Variants in URB2 observed in about 807,000 individuals in gnomAD.
URB2 encodes the protein unhealthy ribosome biogenesis protein 2 homolog.
A neutral mutation model predicts 120.9 loss-of-function variants in URB2; 86 were observed. That is an observed-to-expected ratio of 0.71 (90% CI 0.60 to 0.85). URB2 has a LOEUF of 0.85. Ranked by LOEUF, URB2 falls within the 40% of genes least tolerant of loss-of-function variation. The pLI, the probability that URB2 is intolerant of heterozygous loss-of-function variation, is 0.00. For synonymous variants in URB2, 755 were observed against 758.4 expected, an observed-to-expected ratio of 1.00 and a Z score of 0.07; for missense variants, 1,765 against 1,836.5, an observed-to-expected ratio of 0.96 and a Z score of 0.71.
At chr1:229,657,260 A>G (rs1666427181) in intron 9 of URB2, among the ~76,000 whole-genome samples, 1 of 152,206 alleles carries the variant, frequency 6.6e-6, no homozygotes, top group African/African-American at 2.4e-5. Context: ...TTTATAAATA[A>G]GTTATCTGAA....
chr1:229,659,810 C>T lies in URB2; in HGVS notation c.*513C>T, dbSNP rs1323049770. ...TGAAGAAGTCAGGGAAAGTTAGAGTCTGTGGCCTGAGGTGTCTGCTCTGGG... is the reference window on the plus strand; with the variant it reads ...TGAAGAAGTCAGGGAAAGTTAGAGTTTGTGGCCTGAGGTGTCTGCTCTGGG... On this transcript the variant is annotated 3_prime_UTR_variant, in exon 10 of 10. Coordinates refer to ENST00000258243, the MANE Select transcript of URB2 (RefSeq NM_014777.4). The T allele has an allele frequency of 6.5e-6, 1 of 153,592 alleles. No homozygotes were observed. The highest frequency in any genetic ancestry group is 1.5e-5 in the Non-Finnish European group (1 of 68,948). The allele number at this position is 153,592 out of a possible 1,614,324, so 9.5% of individuals were successfully genotyped here. A position where few individuals can be genotyped will look rare whatever the true frequency, so the allele number is the denominator to read the frequency against.
chr1:229,657,186 C>A (rs554273940), intron 9 of URB2, among the ~76,000 whole-genome samples: 1 of 152,302 alleles, frequency 6.6e-6, no homozygotes, highest in South Asian at 2.1e-4. Context: ...TTAAAAGCTA[C>A]TTAGTGATGT....
At chr1:229,650,494 G>A (rs1373010741) in intron 7 of URB2, among the ~76,000 whole-genome samples, 2 of 151,978 alleles carry the variant, frequency 1.3e-5, no homozygotes, top group Non-Finnish European at 2.9e-5. Flanking sequence ...GCAGTGGTGC[G>A]ATCTTGGCTC....
chr1:229,645,058 G>C (rs1666106740), intron 5 of URB2, among the ~76,000 whole-genome samples: 2 of 152,222 alleles, frequency 1.3e-5, no homozygotes, highest in South Asian at 4.1e-4. Context: ...GGCCAAGGTG[G>C]GTGGATTATA....
chr1:229,648,345 A>G (rs946392727), intron 7 of URB2, among the ~76,000 whole-genome samples: 3 of 152,202 alleles, frequency 2.0e-5, no homozygotes, highest in African/African-American at 4.8e-5. Context: ...AGGCATACAC[A>G]ATCTATACTA....
At position 229,654,338 on chromosome 1, in the gene URB2, G is replaced by A. The variant is rs1418327808; in HGVS notation, c.4327G>A (p.Ala1443Thr). Residue 1443 changes from alanine (A) to threonine (T), a missense_variant, in exon 9 of 10, where the codon GCT becomes ACT. Physicochemically the swap from Ala to Thr is moderately conservative, Grantham distance 58. Transcript: ENST00000258243. Reference protein sequence around the residue: ...SHIAARAEEFAVFSPFMVAQY... With the variant: ...SHIAARAEEFTVFSPFMVAQY... ...CATCGCCGCACGAGCTGAGGAGTTT[G>A]CTGTGTTTTCCCCATTTATGGTGGC... The A allele has an allele frequency of 6.2e-7, 1 of 1,614,052 alleles. No homozygotes were observed.
chr1:229,647,560 C>A lies in URB2; in HGVS notation c.3957C>A (p.Val1319=). Residue 1319 remains valine, a synonymous_variant, in exon 7 of 10, where the codon GTC becomes GTA. Transcript: ENST00000258243. ...AGCAGCCTGTGTCCCTCACAGTGGT[C>A]GGGCCTGTCTTAGATGTCCTGGCTG... The part of the protein sequence containing the change: ...SQEQPVSLTV[V]GPVLDVLAAL... 1 of 1,614,194 alleles carries A rather than the reference C, an allele frequency of 6.2e-7. No homozygotes were observed. The highest frequency in any genetic ancestry group is 1.1e-5 in the South Asian group (1 of 91,068).
Position 229,632,440 on chromosome 1 carries a change from G to C in URB2, c.298G>C (p.Val100Leu). 1.3e-6 allele frequency: 2 copies of C among 1,552,234 alleles called. No homozygotes were observed. Among genetic ancestry groups the C allele is most frequent in the Non-Finnish European group, 1.7e-6 (2 of 1,159,176 alleles). The change falls in exon 3 of 10, where the codon GTC (valine) becomes CTC (leucine). Residue 100 changes from valine (V) to leucine (L), a missense_variant. Physicochemically the swap from Val to Leu is conservative, Grantham distance 32. Coordinates refer to ENST00000258243, the MANE Select transcript of URB2 (RefSeq NM_014777.4). ...GACCATTAATCTTCAGATTTCCCTA[G>C]TCAAGGTAATTCACTTTTCTGTTCT... ...GKTINLQISL[V>L]KIINERVAEF... is the part of the protein sequence containing the mutation.
At chr1:229,634,802 T>G in intron 3 of URB2, 115 bp from the exon 4 acceptor site, 1 of 990,558 alleles carries the variant, frequency 1.0e-6, no homozygotes. Context: ...GGGCATTTCT[T>G]TCTTACCAAG....
Position 229,647,601 on chromosome 1 carries a change from G to T in URB2, c.3998G>T (p.Gly1333Val), listed in dbSNP as rs774472016. 2.5e-6 allele frequency: 4 copies of T among 1,614,070 alleles called. No homozygotes were observed. The highest frequency in any genetic ancestry group is 2.5e-6 in the Non-Finnish European group (3 of 1,180,054). The change falls in exon 7 of 10, where the codon GGG becomes GTG. Residue 1333 changes from glycine to valine, a missense_variant. By Grantham distance (109) the Gly-to-Val change is moderately radical. Transcript: ENST00000258243. The part of the protein sequence containing the change: ...LDVLAALLRQ[G>V]EEAIGNPHHV... The stretch of plus-strand genomic sequence containing the variant: ...GTCCTGGCTGCACTGCTGCGGCAGG[G>T]GGAGGAGGCCATCGGCAACCCCCAC...
chr1:229,638,624 C>T (rs1033074924), intron 4 of URB2, among the ~76,000 whole-genome samples: 25 of 150,218 alleles, frequency 1.7e-4, no homozygotes, highest in Non-Finnish European at 3.4e-4. Context: ...CTAGCTTGGG[C>T]GACAGAGCGA....
At chr1:229,651,877 CT>C (rs1023578746) in intron 8 of URB2, among the ~76,000 whole-genome samples, 17 of 152,094 alleles carry the variant, frequency 1.1e-4, no homozygotes, top group African/African-American at 4.1e-4. Flanking sequence ...TTGAGGGAGA[CT>C]TTTATTATTT....
rs1665850583 is a variant in URB2, at chr1:229,636,909, C to T, written c.2296C>T (p.Leu766=). 6.2e-7 allele frequency: 1 copy of T among 1,611,928 alleles called. No individual in the cohort carries two copies. Among genetic ancestry groups the T allele is most frequent in the Non-Finnish European group, 8.5e-7 (1 of 1,178,902 alleles). The change falls in exon 4 of 10, where the codon CTG becomes TTG. Residue 766 remains leucine, a synonymous_variant. Transcript: ENST00000258243. ...TGATGTGGGATACCTGGCCAGTGTCCTGCTGAGAACTTTACCCATGGGCAA... is the reference window on the plus strand; with the variant it reads ...TGATGTGGGATACCTGGCCAGTGTCTTGCTGAGAACTTTACCCATGGGCAA... The part of the protein sequence containing the change: ...PDDVGYLASV[L]LRTLPMGKAQ...
rs1413591009 is a variant in URB2 at position 229,636,776 on chromosome 1, T to C, written c.2163T>C (p.Ala721=). Residue 721 remains alanine, a synonymous_variant, in exon 4 of 10, where the codon GCT becomes GCC. Transcript: ENST00000258243. ...AAAGCTTGAATCAGAGAACGACGGC[T>C]TCCTGGGATGGCCAAGTTGGGATGG... is the stretch of plus-strand genomic sequence containing the variant. ...GRKSLNQRTT[A]SWDGQVGMVS... 6.2e-7 allele frequency: 1 copy of C among 1,612,358 alleles called. No individual in the cohort carries two copies. The highest frequency in any genetic ancestry group is 1.3e-5 in the African/African-American group (1 of 75,000).
chr1:229,631,421 C>T (rs1347434621), intron 2 of URB2, among the ~76,000 whole-genome samples: 2 of 152,172 alleles, frequency 1.3e-5, no homozygotes, highest in Non-Finnish European at 2.9e-5. Flanking sequence ...TTTGCATTCA[C>T]GATTTGGTTA....
At position 229,635,515 on chromosome 1, in the gene URB2, C is replaced by G; in HGVS notation, c.902C>G (p.Ala301Gly). Residue 301 changes from alanine (A) to glycine (G), a missense_variant, in exon 4 of 10, where the codon GCC (alanine) becomes GGC (glycine). Transcript: ENST00000258243. Reference protein sequence around the residue: ...CAASLHTSVVANSVALLYKLF... With the variant: ...CAASLHTSVVGNSVALLYKLF... ...GCATCCCTTCATACCTCTGTTGTGGCCAACTCAGTGGCCTTGCTGTATAAG... is the reference window on the plus strand; with the variant it reads ...GCATCCCTTCATACCTCTGTTGTGGGCAACTCAGTGGCCTTGCTGTATAAG... 1 of 1,613,970 alleles carries G rather than the reference C, an allele frequency of 6.2e-7. No individual in the cohort carries two copies. The highest frequency in any genetic ancestry group is 8.5e-7 in the Non-Finnish European group (1 of 1,179,960).
chr1:229,635,641 A>T lies in URB2; in HGVS notation c.1028A>T (p.Glu343Val), dbSNP rs777012745. 6.2e-7 allele frequency: 1 copy of T among 1,614,082 alleles called. No individual in the cohort carries two copies. The highest frequency in any genetic ancestry group is 2.2e-5 in the East Asian group (1 of 44,884). ...GCLKISHLQE[E>V]QSKALSTSDW... is the part of the protein sequence containing the mutation. ...TTGAAGATTTCACACCTGCAGGAGG[A>T]GCAGAGCAAAGCCCTGTCCACATCA... Residue 343 changes from glutamate (E) to valine (V), a missense_variant, in exon 4 of 10, where the codon GAG becomes GTG. By Grantham distance (121) the Glu-to-Val change is moderately radical. Transcript: ENST00000258243.
intron 4 of URB2, among the ~76,000 whole-genome samples, chr1:229,642,151 C>T (rs927463630): frequency 2.6e-5 from 4 of 152,046 alleles, no homozygotes; most frequent in Admixed American, 6.6e-5. Context: ...GTGGGGGAGA[C>T]GCCATAAAGC....
At chr1:229,643,242 G>A (rs938165872) in intron 4 of URB2, among the ~76,000 whole-genome samples, 25 of 152,156 alleles carry the variant, frequency 1.6e-4, no homozygotes, top group African/African-American at 6.0e-4. Flanking sequence ...AGGGTCAACC[G>A]CACAAAGCAA....
Sources: gnomAD v4.1 joint callset for allele counts (sites outside exome capture counted in the v4.1 genomes callset) on GRCh38, gnomAD v4.1.1 for gene constraint, MANE v1.5 for transcripts, NCBI Gene and HGNC (gene_info 2026-07-23, HGNC 2026-07-21) for gene names.